SPSB4: variants seen among roughly 807,000 people sequenced by gnomAD.
The protein encoded by SPSB4 is SPRY domain-containing SOCS box protein 4.
A neutral mutation model predicts 20.9 loss-of-function variants in SPSB4; 21 were observed. The observed-to-expected ratio is 1.01, with a 90% CI of 0.71 to 1.45. The LOEUF (loss-of-function observed/expected upper bound fraction) is 1.45, where lower values mean the gene tolerates loss of function less well. SPSB4 is among the 40% of genes most tolerant of loss of function. The pLI is 0.00. For missense variants in SPSB4, 399 were observed against 399.2 expected (o/e 1.00, Z 0.00); for synonymous variants, 207 against 183.8 (o/e 1.13, Z -1.02).
intron 2 of SPSB4, among the ~76,000 whole-genome samples, chr3:141,117,646 C>T (rs986672471): frequency 6.6e-6 from 1 of 152,206 alleles, no homozygotes; most frequent in African/African-American, 2.4e-5. Flanking sequence ...GCTATCCCTC[C>T]TATAGCCCCC....
intron 2 of SPSB4, among the ~76,000 whole-genome samples, chr3:141,134,929 T>C (rs768203232): frequency 1.5e-4 from 22 of 151,702 alleles, no homozygotes; most frequent in Non-Finnish European, 2.4e-4. Flanking sequence ...GTAAATGAGG[T>C]ATAACAGGTA....
At chr3:141,057,868 G>A (rs1559836774) in intron 1 of SPSB4, among the ~76,000 whole-genome samples, 1 of 152,216 alleles carries the variant, frequency 6.6e-6, no homozygotes. Context: ...TATCTAACTG[G>A]ATTTCTTTTT....
intron 2 of SPSB4, among the ~76,000 whole-genome samples, chr3:141,089,325 G>A (rs1052530970): frequency 6.6e-5 from 10 of 152,186 alleles, no homozygotes; most frequent in African/African-American, 1.7e-4. Flanking sequence ...CAGCCCATAC[G>A]TCCAGCAGGA....
Position 141,072,695 on chromosome 3 carries a change from A to G in SPSB4, c.694+5897A>G, listed in dbSNP as rs139609963. ...ATTACCCAGCCTCAGATATTTCTTT[A>G]TAGCGACACAAAACAGACTAAAACA... On this transcript the variant is annotated intron_variant, in intron 2 of 2. Coordinates refer to ENST00000310546, the MANE Select transcript of SPSB4 (RefSeq NM_080862.3). Among the ~76,000 whole-genome samples, 486 of 152,344 alleles carry G rather than the reference A, an allele frequency of 3.2e-3. 7 individuals carry two copies. Among genetic ancestry groups the G allele is most frequent in the Admixed American group, 0.021 (322 of 15,298 alleles).
intron 2 of SPSB4, among the ~76,000 whole-genome samples, chr3:141,069,229 G>A (rs1937946151): frequency 6.6e-6 from 1 of 152,178 alleles, no homozygotes; most frequent in South Asian, 2.1e-4. Context: ...GGCTTGAAAG[G>A]CCTATTCATG....
intron 2 of SPSB4, 144 bp downstream of exon 2, chr3:141,066,942 T>C: frequency 3.7e-6 from 3 of 821,694 alleles, no homozygotes; most frequent in Non-Finnish European, 5.1e-6. Context: ...CCTGACTCTC[T>C]GCTGGCTTGG....
In SPSB4 at chr3:141,066,483, G is replaced by C. The variant is rs747734915; in HGVS notation, c.379G>C (p.Val127Leu). The C allele has an allele frequency of 2.0e-6, 3 of 1,500,528 alleles. No homozygotes were observed. The highest frequency in any genetic ancestry group is 1.3e-5 in the South Asian group (1 of 75,730). The allele number at this position is 1,500,528 out of a possible 1,614,324, so 93.0% of individuals were successfully genotyped here. A position where few individuals can be genotyped will look rare whatever the true frequency, so the allele number is the denominator to read the frequency against. ...VATARAPLHSVGYTALVGSDA... is the reference protein window; with the variant it reads ...VATARAPLHSLGYTALVGSDA... Reference sequence around the variant, plus strand: ...CACGGCCCGTGCTCCCCTGCACTCCGTGGGCTACACGGCGCTGGTAGGCAG... The same window carrying C: ...CACGGCCCGTGCTCCCCTGCACTCCCTGGGCTACACGGCGCTGGTAGGCAG... The change falls in exon 2 of 3, where the codon GTG becomes CTG. Residue 127 changes from valine to leucine, a missense_variant. Physicochemically the swap from Val to Leu is conservative, Grantham distance 32. Transcript: ENST00000310546.
intron 2 of SPSB4, among the ~76,000 whole-genome samples, chr3:141,071,201 G>A (rs1462046400): frequency 6.6e-6 from 1 of 152,220 alleles, no homozygotes; most frequent in Admixed American, 6.5e-5. Context: ...CGGTGGGCCA[G>A]GCCTTTGGAA....
At chr3:141,145,952 T>G (rs1939406648) in intron 2 of SPSB4, among the ~76,000 whole-genome samples, 1 of 152,200 alleles carries the variant, frequency 6.6e-6, no homozygotes, top group Non-Finnish European at 1.5e-5. Flanking sequence ...TCTGTGAAGC[T>G]TTCAAACAGC....
chr3:141,122,922 C>G (rs962335835), intron 2 of SPSB4, among the ~76,000 whole-genome samples: 23 of 152,218 alleles, frequency 1.5e-4, no homozygotes, highest in African/African-American at 5.3e-4. Flanking sequence ...CCCCGTCCTG[C>G]TTCCGCTTGC....
At chr3:141,062,724 A>G (rs1217264841) in intron 1 of SPSB4, among the ~76,000 whole-genome samples, 2 of 152,122 alleles carry the variant, frequency 1.3e-5, no homozygotes, top group Admixed American at 1.3e-4. Flanking sequence ...ATTAATTTCT[A>G]GTTTTCCTTC....
chr3:141,060,151 G>A (rs1470774862), intron 1 of SPSB4, among the ~76,000 whole-genome samples: 1 of 152,208 alleles, frequency 6.6e-6, no homozygotes, highest in African/African-American at 2.4e-5. Flanking sequence ...AGTAGGGACA[G>A]AGACTTTGAG....
intron 2 of SPSB4, among the ~76,000 whole-genome samples, chr3:141,107,144 TG>T (rs1171425439): frequency 6.6e-6 from 1 of 152,168 alleles, no homozygotes; most frequent in African/African-American, 2.4e-5. Flanking sequence ...GGGGTTGGGA[TG>T]GGGCAAAGCC....
intron 2 of SPSB4, among the ~76,000 whole-genome samples, chr3:141,097,436 T>G (rs1938560902): frequency 6.6e-6 from 1 of 152,228 alleles, no homozygotes; most frequent in Non-Finnish European, 1.5e-5. Flanking sequence ...TTTTTTGGTT[T>G]TTTTTGAGAC....
At chr3:141,092,296 G>T (rs1938467958) in intron 2 of SPSB4, among the ~76,000 whole-genome samples, 1 of 152,206 alleles carries the variant, frequency 6.6e-6, no homozygotes, top group African/African-American at 2.4e-5. Flanking sequence ...AACAAGGCCT[G>T]CTAAATAGTA....
intron 2 of SPSB4, among the ~76,000 whole-genome samples, chr3:141,090,967 G>C (rs72980202): frequency 0.097 from 14,827 of 152,206 alleles, 1,401 homozygotes; most frequent in African/African-American, 0.25. Context: ...ATAATTTGCT[G>C]TAAAGGATAA....
intron 2 of SPSB4, among the ~76,000 whole-genome samples, chr3:141,141,962 G>A (rs191696653): frequency 2.0e-5 from 3 of 152,112 alleles, no homozygotes; most frequent in Admixed American, 2.0e-4. Context: ...CTCATTAATG[G>A]TCTATCAGTT....
chr3:141,107,574 C>T (rs779707412), intron 2 of SPSB4, among the ~76,000 whole-genome samples: 2 of 152,212 alleles, frequency 1.3e-5, no homozygotes, highest in Non-Finnish European at 2.9e-5. Context: ...GAGTTTCCTT[C>T]TGGGAGTCTG....
chr3:141,053,801 G>A (rs1386734644), intron 1 of SPSB4, among the ~76,000 whole-genome samples: 1 of 152,102 alleles, frequency 6.6e-6, no homozygotes, highest in African/African-American at 2.4e-5. Flanking sequence ...TTTTAAAAAT[G>A]TAGATCACAT....
Sources: allele counts gnomAD v4.1 joint callset (sites outside exome capture counted in the v4.1 genomes callset), GRCh38; gene constraint gnomAD v4.1.1; transcripts MANE v1.5; gene names NCBI Gene and HGNC (gene_info 2026-07-23, HGNC 2026-07-21).